The following SERTM1 variants were observed in gnomAD, a reference collection of about 807,000 sequenced individuals.
SERTM1 encodes the protein serine-rich and transmembrane domain-containing protein 1.
In SERTM1, 1 loss-of-function variant was observed where a neutral mutation model predicts 5.5. That is an observed-to-expected ratio of 0.18 (90% confidence interval 0.06 to 0.86). SERTM1 has a LOEUF of 0.86. Ranked by LOEUF, SERTM1 falls within the 40% of genes least tolerant of loss-of-function variation. SERTM1 has a pLI of 0.69. For synonymous variants in SERTM1, 52 were observed against 55.1 expected (o/e 0.94, Z 0.25); for missense variants, 91 against 122.4 (o/e 0.74, Z 1.21).
chr13:36,697,505 A>G lies in SERTM1; in HGVS notation c.*2103A>G, dbSNP rs1422020574. The G allele has an allele frequency of 1.8e-5, 3 of 166,722 alleles. No individual in the cohort carries two copies. The highest frequency in any genetic ancestry group is 2.9e-5 in the Non-Finnish European group (2 of 68,058). The allele number at this position is 166,722 out of a possible 1,614,324, so 10.3% of individuals were successfully genotyped here. ...TTAAATAAAAGGACAAATTTGCCAC[A>G]CAACAGAACAATCTGAGTATGATCT... On this transcript the variant is annotated 3_prime_UTR_variant, in exon 2 of 2. Coordinates refer to ENST00000315190, the MANE Select transcript of SERTM1 (RefSeq NM_203451.3).
chr13:36,683,060 C>A (rs2056716047), intron 1 of SERTM1, among the ~76,000 whole-genome samples: 1 of 152,120 alleles, frequency 6.6e-6, no homozygotes, highest in South Asian at 2.1e-4. Context: ...ATACCACTGA[C>A]CCTTGTACGA....
intron 1 of SERTM1, among the ~76,000 whole-genome samples, chr13:36,678,850 A>AT (rs2056686158): frequency 6.6e-6 from 1 of 151,698 alleles, no homozygotes. Flanking sequence ...AACTTGTCTG[A>AT]TTTTTTTCTC....
intron 1 of SERTM1, among the ~76,000 whole-genome samples, chr13:36,679,635 G>A (rs1195975398): frequency 6.6e-6 from 1 of 152,148 alleles, no homozygotes; most frequent in African/African-American, 2.4e-5. Flanking sequence ...TTGAACTCCT[G>A]ACTTCAAGTG....
chr13:36,690,395 G>T (rs954380341), intron 1 of SERTM1, among the ~76,000 whole-genome samples: 1 of 152,190 alleles, frequency 6.6e-6, no homozygotes. Flanking sequence ...AGGGTAGCAC[G>T]TAAGATAGTA....
intron 1 of SERTM1, among the ~76,000 whole-genome samples, chr13:36,693,881 T>C (rs561992196): frequency 2.0e-5 from 3 of 148,080 alleles, no homozygotes; most frequent in Non-Finnish European, 4.4e-5. Context: ...GAAAGACTTA[T>C]CTATCAGGAG....
chr13:36,694,252 ACT>A (rs2056798540), intron 1 of SERTM1, among the ~76,000 whole-genome samples: 1 of 152,120 alleles, frequency 6.6e-6, no homozygotes, highest in Non-Finnish European at 1.5e-5. Context: ...CCAACCTGAT[ACT>A]CTCTCTACCA....
At chr13:36,692,431 C>T (rs2138098725) in intron 1 of SERTM1, among the ~76,000 whole-genome samples, 3 of 152,308 alleles carry the variant, frequency 2.0e-5, no homozygotes, top group Middle Eastern at 3.4e-3. Context: ...GCCTGTGCCT[C>T]CAGCACCATC....
At chr13:36,694,155 A>G (rs1347584380) in intron 1 of SERTM1, among the ~76,000 whole-genome samples, 1 of 152,194 alleles carries the variant, frequency 6.6e-6, no homozygotes, top group Non-Finnish European at 1.5e-5. Context: ...ACAAATAAGA[A>G]AAGTGATGCT....
chr13:36,694,112 C>T (rs2056797586), intron 1 of SERTM1, among the ~76,000 whole-genome samples: 1 of 152,084 alleles, frequency 6.6e-6, no homozygotes, highest in Non-Finnish European at 1.5e-5. Context: ...TGCATAACAC[C>T]ATGGGAAGAT....
chr13:36,694,989 G>A lies in SERTM1; in HGVS notation c.-90G>A, dbSNP rs558880504. ...AACAGCCTGTGAATTCTGCAAACAC[G>A]ATCGTGAAAAAATGCCAATCTGTCC... On this transcript the variant is annotated 5_prime_UTR_variant, in exon 2 of 2. Coordinates refer to ENST00000315190, the MANE Select transcript of SERTM1 (RefSeq NM_203451.3). 1.1e-4 allele frequency: 104 copies of A among 924,032 alleles called. No individual in the cohort carries two copies. In the African/African-American group the frequency reaches 1.3e-3, roughly 12 times the overall value. 57.2% of individuals were successfully genotyped at this position (924,032 alleles called of 1,614,324 possible). A position where few individuals can be genotyped will look rare whatever the true frequency, so the allele number is the denominator to read the frequency against.
chr13:36,685,654 G>A (rs1221130658), intron 1 of SERTM1, among the ~76,000 whole-genome samples: 1 of 152,202 alleles, frequency 6.6e-6, no homozygotes, highest in Non-Finnish European at 1.5e-5. Flanking sequence ...TGGACTGTAA[G>A]TGAGTTCATG....
intron 1 of SERTM1, among the ~76,000 whole-genome samples, chr13:36,683,441 C>T (rs1193007148): frequency 6.6e-6 from 1 of 152,030 alleles, no homozygotes; most frequent in Non-Finnish European, 1.5e-5. Flanking sequence ...TAAACTCAGC[C>T]ATCAAAGTAT....
At chr13:36,689,278 G>A (rs1389141459) in intron 1 of SERTM1, among the ~76,000 whole-genome samples, 1 of 152,028 alleles carries the variant, frequency 6.6e-6, no homozygotes, top group Non-Finnish European at 1.5e-5. Context: ...GGCCAAGATG[G>A]GCAGATCACC....
intron 1 of SERTM1, among the ~76,000 whole-genome samples, chr13:36,689,418 T>C (rs887479207): frequency 6.6e-5 from 10 of 151,438 alleles, no homozygotes; most frequent in African/African-American, 1.9e-4. Flanking sequence ...GGCGGGAGCA[T>C]TGCTTAAACC....
chr13:36,691,047 T>C (rs1177815134), intron 1 of SERTM1, among the ~76,000 whole-genome samples: 5 of 152,212 alleles, frequency 3.3e-5, no homozygotes, highest in Non-Finnish European at 5.9e-5. Context: ...GGTCATGAAA[T>C]TTAAAATTGC....
At position 36,695,203 on chromosome 13, in the gene SERTM1, A is replaced by C; in HGVS notation, c.125A>C (p.Tyr42Ser). The C allele has an allele frequency of 6.2e-7, 1 of 1,614,204 alleles. No homozygotes were observed. The highest frequency in any genetic ancestry group is 8.5e-7 in the Non-Finnish European group (1 of 1,180,020). The change falls in exon 2 of 2, where the codon TAC (tyrosine) becomes TCC (serine). Residue 42 changes from tyrosine (Y) to serine (S), a missense_variant. Physicochemically the swap from Tyr to Ser is moderately radical, Grantham distance 144 (BLOSUM62 -2). Coordinates refer to ENST00000315190, the MANE Select transcript of SERTM1 (RefSeq NM_203451.3). ...TCCTCAGGCCACCTGTCAAACGTCT[A>C]CATCTATGTGTCCATATTCCTCAGC... The part of the protein sequence containing the change: ...DPSSGHLSNV[Y>S]IYVSIFLSLL...
chr13:36,687,467 A>C (rs1046489313), intron 1 of SERTM1, among the ~76,000 whole-genome samples: 1 of 152,166 alleles, frequency 6.6e-6, no homozygotes. Context: ...CTTGCATTAC[A>C]TTAAGGGGAA....
At chr13:36,679,792 T>C (rs144623451) in intron 1 of SERTM1, among the ~76,000 whole-genome samples, 1 of 152,316 alleles carries the variant, frequency 6.6e-6, no homozygotes, top group African/African-American at 2.4e-5. Context: ...CGAATAAGTG[T>C]AAGAAAATAA....
At chr13:36,676,079 G>A (rs955521150) in intron 1 of SERTM1, among the ~76,000 whole-genome samples, 1 of 152,052 alleles carries the variant, frequency 6.6e-6, no homozygotes, top group Non-Finnish European at 1.5e-5. Flanking sequence ...AGCACATCAG[G>A]GGTTAAGATA....
Sources: gnomAD v4.1 joint callset for allele counts (sites outside exome capture counted in the v4.1 genomes callset) on GRCh38, gnomAD v4.1.1 for gene constraint, MANE v1.5 for transcripts, NCBI Gene and HGNC (gene_info 2026-07-23, HGNC 2026-07-21) for gene names.